The following NACC2 variants were observed in gnomAD, a reference collection of about 807,000 sequenced individuals.
The protein encoded by NACC2 is NACC family member 2.
NACC2 carries 8 observed loss-of-function variants against 25.1 expected under a neutral mutation model. That is an observed-to-expected ratio of 0.32 (90% confidence interval 0.19 to 0.57). The LOEUF (loss-of-function observed/expected upper bound fraction) is 0.57, where lower values mean the gene tolerates loss of function less well. NACC2 is among the 20% of genes least tolerant of loss of function. The pLI is 0.89. For missense variants in NACC2, 644 were observed against 650.2 expected (o/e 0.99, Z 0.10); for synonymous variants, 435 against 294.7 (o/e 1.48, Z -4.88).
intron 1 of NACC2, among the ~76,000 whole-genome samples, chr9:136,051,965 C>G (rs1333514577): frequency 6.6e-6 from 1 of 151,808 alleles, no homozygotes; most frequent in Admixed American, 6.5e-5. Context: ...GCTGGGCTCG[C>G]GGCCGCAGCT....
intron 2 of NACC2, among the ~76,000 whole-genome samples, chr9:136,034,368 T>C (rs1840521014): frequency 6.6e-6 from 1 of 150,716 alleles, no homozygotes; most frequent in African/African-American, 2.4e-5. Context: ...GAAAGAAAAA[T>C]AGGAAGAGAA....
At chr9:136,059,406 G>A (rs931760506) in intron 1 of NACC2, among the ~76,000 whole-genome samples, 2 of 152,202 alleles carry the variant, frequency 1.3e-5, no homozygotes, top group African/African-American at 2.4e-5. Context: ...GGGGCTGCGC[G>A]AGAGGCCCCA....
rs1840120516 is a variant in NACC2, at chr9:136,012,119, C to A, written c.1256-95G>T. The A allele has an allele frequency of 2.1e-6, 3 of 1,400,776 alleles. No individual in the cohort carries two copies. The African/African-American group carries it at 4.4e-5, about 21-fold the overall frequency. The allele number at this position is 1,400,776 out of a possible 1,614,324, so 86.8% of individuals were successfully genotyped here. On this transcript the variant is annotated intron_variant, in intron 5 of 5. Transcript: ENST00000277554. ...GAACCATGATGCCCTGGATGAGCCTCCCCGGCCGCTCCTGGGGCCCATGTG... is the reference window on the plus strand; with the variant it reads ...GAACCATGATGCCCTGGATGAGCCTACCCGGCCGCTCCTGGGGCCCATGTG...
rs1588554768 is a variant in NACC2, at chr9:136,012,008, G to A, written c.1272C>T (p.Phe424=). 4 of 1,591,230 alleles carry A rather than the reference G, an allele frequency of 2.5e-6. No individual in the cohort carries two copies. The highest frequency in any genetic ancestry group is 1.1e-5 in the South Asian group (1 of 88,786). Residue 424 remains phenylalanine (F), a synonymous_variant, in exon 6 of 6, where the codon TTC becomes TTT. Transcript: ENST00000277554. Reference sequence around the variant, plus strand: ...TCTCGCTCTCCTTGAAGCTGGGGGCGAAGTTCTGACAGTACACTGTGAGGA... The same window carrying A: ...TCTCGCTCTCCTTGAAGCTGGGGGCAAAGTTCTGACAGTACACTGTGAGGA... ...LNAVKLYCQN[F]APSFKESEMN...
intron 1 of NACC2, among the ~76,000 whole-genome samples, chr9:136,073,355 A>G (rs1830220742): frequency 6.6e-6 from 1 of 152,092 alleles, no homozygotes; most frequent in African/African-American, 2.4e-5. Flanking sequence ...GCTTGAGCCT[A>G]GGAGGTGAAG....
At chr9:136,052,589 G>A (rs1001639014) in intron 1 of NACC2, among the ~76,000 whole-genome samples, 22 of 152,264 alleles carry the variant, frequency 1.4e-4, no homozygotes, top group Non-Finnish European at 2.4e-4. Context: ...TGTGTCCTCT[G>A]CCCAGGCGGC....
In NACC2 at chr9:136,084,534, GCCCAGA is replaced by G. The variant is rs1830357242; in HGVS notation, c.-60+10649_-60+10654del. Among the ~76,000 whole-genome samples the G allele has an allele frequency of 6.6e-6, 1 of 152,134 alleles. No individual in the cohort carries two copies. Among genetic ancestry groups the G allele is most frequent in the Non-Finnish European group, 1.5e-5 (1 of 68,026 alleles). On this transcript the variant is annotated intron_variant, in intron 1 of 5. Coordinates refer to ENST00000277554, the MANE Select transcript of NACC2 (RefSeq NM_144653.5). The surrounding 1 kb of genome is among the most constrained non-coding windows in gnomAD (Gnocchi z 5.1). Reference sequence around the variant, plus strand: ...TCCATCTATCAAATCTGTCAAACTGGCCCAGACCCCGGAGTCAGGGTCACGAAGGCC... The same window carrying G: ...TCCATCTATCAAATCTGTCAAACTGGCCCCGGAGTCAGGGTCACGAAGGCC...
In NACC2 at chr9:136,011,759, C is replaced by T; in HGVS notation, c.1521G>A (p.Val507=). 6.5e-7 allele frequency: 1 copy of T among 1,543,242 alleles called. No individual in the cohort carries two copies. The highest frequency in any genetic ancestry group is 8.7e-7 in the Non-Finnish European group (1 of 1,145,230). The change falls in exon 6 of 6, where the codon GTG becomes GTA. Residue 507 remains valine (V), a synonymous_variant. Transcript: ENST00000277554. ...AERRGDAATI[V]ALRTDAVNVD... ...CATTCACGGCGTCAGTTCTCAGAGC[C>T]ACGATGGTGGCGGCGTCGCCCCGCC...
At chr9:136,083,923 G>A (rs1054734028) in intron 1 of NACC2, among the ~76,000 whole-genome samples, 1 of 152,108 alleles carries the variant, frequency 6.6e-6, no homozygotes, top group Non-Finnish European at 1.5e-5. Context: ...CTGGGGCCCA[G>A]AGACAGATGC....
chr9:136,067,465 C>T (rs1841099071), intron 1 of NACC2, among the ~76,000 whole-genome samples: 1 of 152,130 alleles, frequency 6.6e-6, no homozygotes, highest in African/African-American at 2.4e-5. Context: ...CTGAGAAATG[C>T]ATCATTAGGT....
intron 2 of NACC2, among the ~76,000 whole-genome samples, chr9:136,042,693 GACAC>G (rs768116528): frequency 8.3e-5 from 12 of 144,762 alleles, no homozygotes; most frequent in South Asian, 2.2e-4. Flanking sequence ...TACACACACA[GACAC>G]ACACACAGAC....
intron 3 of NACC2, among the ~76,000 whole-genome samples, chr9:136,015,642 A>G (rs1840188555): frequency 7.2e-5 from 11 of 152,192 alleles, no homozygotes; most frequent in Admixed American, 7.2e-4. Flanking sequence ...AAAGCGCCTG[A>G]GGGCCCAAGC....
At chr9:136,037,512 ATTT>A (rs34316222) in intron 2 of NACC2, among the ~76,000 whole-genome samples, 1 of 143,564 alleles carries the variant, frequency 7.0e-6, no homozygotes, top group Admixed American at 7.0e-5. Context: ...TTAAATTTTC[ATTT>A]TTTTTTTTTT....
At position 136,018,013 on chromosome 9, in the gene NACC2, C is replaced by T. The variant is rs939625325; in HGVS notation, c.887-1584G>A. ...AGCCTCAGTGTGATGGGAAGTCCCC[C>T]GGTGGGGGGCGGGGGGCAGCTTGCA... is the stretch of plus-strand genomic sequence containing the variant. On this transcript the variant is annotated intron_variant, in intron 2 of 5. Transcript: ENST00000277554. The surrounding 1 kb of genome is among the most constrained non-coding windows in gnomAD (Gnocchi z 4.4). Among the ~76,000 whole-genome samples, 11 of 152,146 alleles carry T rather than the reference C, an allele frequency of 7.2e-5. No homozygotes were observed. Among genetic ancestry groups the T allele is most frequent in the African/African-American group, 2.2e-4 (9 of 41,444 alleles).
Position 136,013,912 on chromosome 9 carries a change from A to G in NACC2, c.1109T>C (p.Val370Ala). The G allele has an allele frequency of 6.2e-7, 1 of 1,612,604 alleles. No individual in the cohort carries two copies. The highest frequency in any genetic ancestry group is 8.5e-7 in the Non-Finnish European group (1 of 1,179,920). Residue 370 changes from valine (V) to alanine (A), a missense_variant, in exon 4 of 6, where the codon GTG (valine) becomes GCG (alanine). By Grantham distance (64) the Val-to-Ala change is moderately conservative (BLOSUM62 0). Transcript: ENST00000277554. This position sits in a 1 kb window ranked among gnomAD's most constrained non-coding sequence, Gnocchi z 6.6. Reference sequence around the variant, plus strand: ...CCTCCGCAGCAAGACCTTATGCTTCACCCCTGCACACAGGTGGCAGTTCAT... The same window carrying G: ...CCTCCGCAGCAAGACCTTATGCTTCGCCCCTGCACACAGGTGGCAGTTCAT... ...QLMNCHLCAG[V>A]KHKVLLRRLL...
rs1054764639 is a variant in NACC2, at chr9:136,084,148, G to C, written c.-60+11041C>G. 6.6e-5 allele frequency among the ~76,000 whole-genome samples: 10 copies of C among 152,044 alleles called. No individual in the cohort carries two copies. The highest frequency in any genetic ancestry group is 2.4e-4 in the African/African-American group (10 of 41,386). ...GAGGGACATGGATCCAGCCAGGAGG[G>C]GACCCGTCTTTCCAGGAGCAGTGGG... On this transcript the variant is annotated intron_variant, in intron 1 of 5. Transcript: ENST00000277554. The surrounding 1 kb of genome is among the most constrained non-coding windows in gnomAD (Gnocchi z 5.1).
chr9:136,037,114 A>T (rs1367667124), intron 2 of NACC2, among the ~76,000 whole-genome samples: 1 of 152,252 alleles, frequency 6.6e-6, no homozygotes, highest in Admixed American at 6.5e-5. Flanking sequence ...CTAGAATTCT[A>T]TATGCAGCAA....
At chr9:136,091,534 CA>C (rs1438917972) in intron 1 of NACC2, among the ~76,000 whole-genome samples, 1 of 152,212 alleles carries the variant, frequency 6.6e-6, no homozygotes, top group African/African-American at 2.4e-5. Context: ...CCTGTGTGGA[CA>C]GGGGTGAGTG....
chr9:136,062,172 C>CAGGACAGGACAGGAA (rs1554741080), intron 1 of NACC2, among the ~76,000 whole-genome samples: 67 of 97,786 alleles, frequency 6.9e-4, no homozygotes, highest in Admixed American at 3.0e-3. Context: ...CAGGACAGGA[C>CAGGACAGGACAGGAA]AGGAAAGGAA....
Sources: allele counts gnomAD v4.1 joint callset (sites outside exome capture counted in the v4.1 genomes callset), GRCh38; gene constraint gnomAD v4.1.1; non-coding constraint Gnocchi (gnomAD v3.1); transcripts MANE v1.5; gene names NCBI Gene and HGNC (gene_info 2026-07-23, HGNC 2026-07-21).